LIMCH1: variants seen among roughly 807,000 people sequenced by gnomAD.
The protein encoded by LIMCH1 is LIM and calponin homology domains 1, also known as LIM and calponin homology domains-containing protein 1.
In LIMCH1, 113 loss-of-function variants were observed where a neutral mutation model predicts 176.5. The ratio of observed to expected loss-of-function variants is 0.64; its 90% CI spans 0.55 to 0.75. The LOEUF is 0.75. LIMCH1 is among the 30% of genes least tolerant of loss of function. The pLI is 0.00. For missense variants in LIMCH1, 1,674 were observed against 1,814.9 expected, an observed-to-expected ratio of 0.92 and a Z score of 1.41; for synonymous variants, 619 against 645.9, an observed-to-expected ratio of 0.96 and a Z score of 0.63.
At chr4:41,578,636 G>T (rs2084888072) in intron 1 of LIMCH1, among the ~76,000 whole-genome samples, 1 of 151,856 alleles carries the variant, frequency 6.6e-6, no homozygotes. Flanking sequence ...AAATGTTTTT[G>T]GGGAGTAGGC....
At chr4:41,430,949 A>C (rs28558952) in intron 1 of LIMCH1, among the ~76,000 whole-genome samples, 2,503 of 152,192 alleles carry the variant, frequency 0.016, 61 homozygotes, top group African/African-American at 0.057. Flanking sequence ...TTATGGCTTC[A>C]TGACGGAAAG....
At chr4:41,600,033 GA>G (rs937180079) in intron 2 of LIMCH1, among the ~76,000 whole-genome samples, 26 of 151,744 alleles carry the variant, frequency 1.7e-4, no homozygotes, top group Non-Finnish European at 3.4e-4. Context: ...GGAAAAATAG[GA>G]AAAAAATGAG....
chr4:41,570,178 A>T (rs924079984), intron 1 of LIMCH1, among the ~76,000 whole-genome samples: 2 of 152,230 alleles, frequency 1.3e-5, no homozygotes, highest in Admixed American at 6.5e-5. Context: ...GATATGCTGC[A>T]TCAGCTTGAC....
chr4:41,414,392 T>TCTCACA, intron 1 of LIMCH1, among the ~76,000 whole-genome samples: 1 of 152,310 alleles, frequency 6.6e-6, no homozygotes, highest in Non-Finnish European at 1.5e-5. Flanking sequence ...TAAAAACTGT[T>TCTCACA]TTCCTCTCAA....
intron 1 of LIMCH1, among the ~76,000 whole-genome samples, chr4:41,415,848 G>A (rs542148582): frequency 2.0e-5 from 3 of 152,106 alleles, no homozygotes; most frequent in South Asian, 2.1e-4. Context: ...ATGGTGGCAC[G>A]CGCCTGTAAT....
intron 21 of LIMCH1, among the ~76,000 whole-genome samples, chr4:41,668,609 A>T (rs906369238): frequency 1.6e-4 from 24 of 152,268 alleles, no homozygotes; most frequent in African/African-American, 2.4e-4. Flanking sequence ...GAATGACTAA[A>T]AAATAAAATT....
chr4:41,416,820 C>A (rs748145591), intron 1 of LIMCH1, among the ~76,000 whole-genome samples: 1 of 152,088 alleles, frequency 6.6e-6, no homozygotes, highest in Non-Finnish European at 1.5e-5. Context: ...AACCTATCCC[C>A]AAAGGCCAAG....
intron 23 of LIMCH1, 63 bp downstream of exon 23, chr4:41,676,525 T>C: frequency 1.7e-6 from 2 of 1,162,282 alleles, no homozygotes; most frequent in Non-Finnish European, 2.6e-6. Context: ...TCCATTGCAT[T>C]AAATAGACTT....
chr4:41,580,011 A>T (rs1219442282), intron 1 of LIMCH1, among the ~76,000 whole-genome samples: 4 of 151,486 alleles, frequency 2.6e-5, no homozygotes, highest in African/African-American at 9.8e-5. Context: ...TTTAATTTTC[A>T]CTAGTAATGT....
intron 1 of LIMCH1, among the ~76,000 whole-genome samples, chr4:41,573,013 G>T (rs145144889): frequency 0.011 from 1,732 of 152,338 alleles, 17 homozygotes; most frequent in Middle Eastern, 0.058. Flanking sequence ...AAATCTCCAA[G>T]TAATGTTAGC....
rs1419678513 is a variant in LIMCH1 at position 41,633,798 on chromosome 4, A to G, written c.2080A>G (p.Lys694Glu). ...AGAATCTTCTAAAGGTCTACCCATG[A>G]AAGATCAGAGGTCAGAAAGTTATTC... ...VEESSKGLPM[K>E]DQRYGPRTPV... Residue 694 changes from lysine to glutamate, a missense_variant, in exon 13 of 32, where the codon AAA becomes GAA. Physicochemically the swap from Lys to Glu is moderately conservative, Grantham distance 56. Coordinates refer to ENST00000503057, the MANE Select transcript of LIMCH1 (RefSeq NM_001330672.2). 5 of 1,535,782 alleles carry G rather than the reference A, an allele frequency of 3.3e-6. No individual in the cohort carries two copies. Among genetic ancestry groups the G allele is most frequent in the Non-Finnish European group, 4.4e-6 (5 of 1,146,794 alleles).
At position 41,575,245 on chromosome 4, in the gene LIMCH1, G is replaced by T. The variant is rs1425611645; in HGVS notation, c.-240-23675G>T. Among the ~76,000 whole-genome samples the T allele has an allele frequency of 2.0e-5, 3 of 152,204 alleles. No individual in the cohort carries two copies. The East Asian group carries it at 5.8e-4, about 29-fold the overall frequency. ...GCTGATTTTTAAAGGCATTGTGATT[G>T]AGAAAGTGCTGTTTTACCTGTTAGC... On this transcript the variant is annotated intron_variant, in intron 1 of 31. Transcript: ENST00000503057.
At chr4:41,559,814 G>C (rs577139636) in intron 1 of LIMCH1, among the ~76,000 whole-genome samples, 7 of 151,956 alleles carry the variant, frequency 4.6e-5, no homozygotes, top group African/African-American at 1.7e-4. Context: ...CCTACCCAAC[G>C]CAGATATTTC....
At chr4:41,543,924 C>T (rs890554561) in intron 1 of LIMCH1, among the ~76,000 whole-genome samples, 12 of 152,062 alleles carry the variant, frequency 7.9e-5, no homozygotes, top group African/African-American at 2.7e-4. Context: ...TTTTTAGGGG[C>T]GTATTCACAA....
At chr4:41,559,945 A>G (rs28603236) in intron 1 of LIMCH1, among the ~76,000 whole-genome samples, 27,447 of 151,982 alleles carry the variant, frequency 0.18, 2,921 homozygotes, top group South Asian at 0.32. Flanking sequence ...CCATATGCCA[A>G]AAATTCCCAA....
intron 5 of LIMCH1, among the ~76,000 whole-genome samples, chr4:41,616,995 T>TG (rs1351795525): frequency 1.3e-5 from 2 of 152,008 alleles, no homozygotes; most frequent in Admixed American, 1.3e-4. Flanking sequence ...AAAGAATAAT[T>TG]GGGGGAAAAA....
At chr4:41,557,187 C>T (rs891698811) in intron 1 of LIMCH1, among the ~76,000 whole-genome samples, 1 of 152,124 alleles carries the variant, frequency 6.6e-6, no homozygotes, top group African/African-American at 2.4e-5. Context: ...TAAAATGGTT[C>T]TCATCTTTCC....
At chr4:41,388,496 A>C (rs957567973) in intron 1 of LIMCH1, among the ~76,000 whole-genome samples, 1 of 152,262 alleles carries the variant, frequency 6.6e-6, no homozygotes, top group African/African-American at 2.4e-5. Context: ...TTAACTGCTC[A>C]TGGGCAGGAG....
chr4:41,437,929 G>C (rs1180475517), intron 1 of LIMCH1, among the ~76,000 whole-genome samples: 1 of 152,214 alleles, frequency 6.6e-6, no homozygotes, highest in Admixed American at 6.5e-5. Flanking sequence ...TGTGGTTTAA[G>C]TCTGGACCCT....
Sources: gnomAD v4.1 joint callset for allele counts (sites outside exome capture counted in the v4.1 genomes callset) on GRCh38, gnomAD v4.1.1 for gene constraint, MANE v1.5 for transcripts, NCBI Gene and HGNC (gene_info 2026-07-23, HGNC 2026-07-21) for gene names.